Variants in EPHA5 observed in about 807,000 individuals in gnomAD.
EPHA5 encodes EPH receptor A5, also known as ephrin type-A receptor 5.
EPHA5 carries 60 observed loss-of-function variants against 105.0 expected under a neutral mutation model. That is an observed-to-expected ratio of 0.57 (90% CI 0.46 to 0.71). EPHA5 has a LOEUF of 0.71. EPHA5 is among the 30% of genes least tolerant of loss of function. The probability of loss-of-function intolerance (pLI) is 0.00; values close to 1 mark genes in which losing one functional copy is unlikely to be tolerated. For synonymous variants in EPHA5, 513 were observed against 449.1 expected, an observed-to-expected ratio of 1.14 and a Z score of -1.80; for missense variants, 1,218 against 1,274.7, an observed-to-expected ratio of 0.96 and a Z score of 0.68.
chr4:65,500,118 C>A (rs1424302195), intron 3 of EPHA5, among the ~76,000 whole-genome samples: 1 of 151,262 alleles, frequency 6.6e-6, no homozygotes, highest in Admixed American at 6.6e-5. Context: ...AAATAATTAT[C>A]TAGATAAGTA....
intron 5 of EPHA5, among the ~76,000 whole-genome samples, chr4:65,485,550 C>G (rs1311427702): frequency 2.0e-5 from 3 of 152,096 alleles, no homozygotes; most frequent in Non-Finnish European, 2.9e-5. Flanking sequence ...AAGCAAGTTC[C>G]TAGGCTCCAT....
intron 5 of EPHA5, among the ~76,000 whole-genome samples, chr4:65,483,710 G>T (rs185087781): frequency 1.3e-5 from 2 of 152,256 alleles, no homozygotes; most frequent in East Asian, 3.9e-4. Context: ...TCATATTACA[G>T]TTGATACAGT....
At chr4:65,534,023 G>A (rs1387453006) in intron 3 of EPHA5, among the ~76,000 whole-genome samples, 1 of 152,086 alleles carries the variant, frequency 6.6e-6, no homozygotes, top group Non-Finnish European at 1.5e-5. Context: ...CAGATACTCT[G>A]CATTACTGCG....
chr4:65,484,224 T>A (rs1019376710), intron 5 of EPHA5, among the ~76,000 whole-genome samples: 2 of 152,108 alleles, frequency 1.3e-5, no homozygotes, highest in African/African-American at 4.8e-5. Flanking sequence ...ACAGTGTGCT[T>A]TCACCATATT....
At chr4:65,328,780 T>C (rs1207502897) in intron 16 of EPHA5, among the ~76,000 whole-genome samples, 2 of 151,112 alleles carry the variant, frequency 1.3e-5, no homozygotes, top group African/African-American at 4.8e-5. Context: ...AGAGATGTTG[T>C]CAGGGCTAGA....
rs368836098 is a variant in EPHA5, at chr4:65,613,111, G to A, written c.247-10807C>T. Among the ~76,000 whole-genome samples, 10 of 151,996 alleles carry A rather than the reference G, an allele frequency of 6.6e-5. No individual in the cohort carries two copies. In the East Asian group the frequency reaches 1.9e-3, roughly 29 times the overall value. On this transcript the variant is annotated intron_variant, in intron 2 of 16. Transcript: ENST00000613740. ...TGCGTATAGCAATCCAATTTTCCCA[G>A]TACCATTTATTGAATAGGGTGTCCT...
chr4:65,346,010 G>A lies in EPHA5; in HGVS notation c.2595+2044C>T, dbSNP rs1305030717. Among the ~76,000 whole-genome samples the A allele has an allele frequency of 2.6e-5, 4 of 151,392 alleles. No individual in the cohort carries two copies. The East Asian group carries it at 5.9e-4, about 22-fold the overall frequency. ...GATGGTCTGACCTCACGATCCACCCGTCTCGGCCTCCCAAAGTGCTGGGAT... is the reference window on the plus strand; with the variant it reads ...GATGGTCTGACCTCACGATCCACCCATCTCGGCCTCCCAAAGTGCTGGGAT... On this transcript the variant is annotated intron_variant, in intron 14 of 16. Transcript: ENST00000613740.
chr4:65,321,034 T>G lies in EPHA5; in HGVS notation c.*3080A>C, dbSNP rs1719601119. 2 of 230,306 alleles carry G rather than the reference T, an allele frequency of 8.7e-6. No homozygotes were observed. Among genetic ancestry groups the G allele is most frequent in the Admixed American group, 1.1e-4 (2 of 17,596 alleles). 14.3% of individuals were successfully genotyped at this position (230,306 alleles called of 1,614,324 possible). A position where few individuals can be genotyped will look rare whatever the true frequency, so the allele number is the denominator to read the frequency against. On this transcript the variant is annotated 3_prime_UTR_variant, in exon 17 of 17. Transcript: ENST00000613740. ...ATTATGAAAAGAGCAACTGGTTATATTAATAGTATATATGAGCAAATGACA... is the reference window on the plus strand; with the variant it reads ...ATTATGAAAAGAGCAACTGGTTATAGTAATAGTATATATGAGCAAATGACA...
intron 5 of EPHA5, among the ~76,000 whole-genome samples, chr4:65,440,196 T>C (rs1014110242): frequency 2.6e-5 from 4 of 152,012 alleles, no homozygotes; most frequent in African/African-American, 9.7e-5. Context: ...AACATTGTCA[T>C]AGACATAATC....
At chr4:65,569,878 T>C (rs1739941396) in intron 3 of EPHA5, among the ~76,000 whole-genome samples, 1 of 151,738 alleles carries the variant, frequency 6.6e-6, no homozygotes, top group Admixed American at 6.6e-5. Context: ...ATAAAAGTCA[T>C]CTAGAGTTCA....
chr4:65,551,703 C>T (rs1363898152), intron 3 of EPHA5, among the ~76,000 whole-genome samples: 1 of 152,030 alleles, frequency 6.6e-6, no homozygotes, highest in African/African-American at 2.4e-5. Flanking sequence ...ATAACAGTGT[C>T]AATTTTCAAA....
chr4:65,576,000 G>GAAAA (rs565281266), intron 3 of EPHA5, among the ~76,000 whole-genome samples: 3 of 29,724 alleles, frequency 1.0e-4, no homozygotes, highest in Non-Finnish European at 6.6e-5. Flanking sequence ...GAGAGAGAGA[G>GAAAA]AGAAAGAAAG....
At chr4:65,357,208 T>A (rs1012488547) in intron 11 of EPHA5, among the ~76,000 whole-genome samples, 1 of 151,422 alleles carries the variant, frequency 6.6e-6, no homozygotes, top group Admixed American at 6.6e-5. Flanking sequence ...ATTCTATAAC[T>A]GTGATATTAT....
At chr4:65,424,882 A>G (rs73220330) in intron 5 of EPHA5, among the ~76,000 whole-genome samples, 3,926 of 152,186 alleles carry the variant, frequency 0.026, 183 homozygotes, top group African/African-American at 0.089. Context: ...GTATAGAACA[A>G]TATCTTCCTC....
At chr4:65,419,034 C>T (rs1723683371) in intron 6 of EPHA5, among the ~76,000 whole-genome samples, 1 of 151,464 alleles carries the variant, frequency 6.6e-6, no homozygotes, top group Non-Finnish European at 1.5e-5. Context: ...CAGGTGCCCG[C>T]TACCACACCC....
chr4:65,620,138 T>C (rs893443655), intron 2 of EPHA5, among the ~76,000 whole-genome samples: 2 of 130,306 alleles, frequency 1.5e-5, no homozygotes, highest in African/African-American at 2.8e-5. Flanking sequence ...ATTAAATATA[T>C]GATAGTAATA....
At chr4:65,530,169 A>G (rs1038178901) in intron 3 of EPHA5, among the ~76,000 whole-genome samples, 1 of 152,174 alleles carries the variant, frequency 6.6e-6, no homozygotes, top group Admixed American at 6.5e-5. Context: ...AAACTCAAGA[A>G]CAACTTTTAT....
intron 5 of EPHA5, among the ~76,000 whole-genome samples, chr4:65,455,205 C>G (rs112920425): frequency 1.3e-5 from 2 of 151,454 alleles, no homozygotes; most frequent in African/African-American, 4.9e-5. Context: ...TGCACTCCAG[C>G]CTGGGAGACA....
chr4:65,640,781 T>C (rs1173954316), intron 2 of EPHA5, among the ~76,000 whole-genome samples: 1 of 152,138 alleles, frequency 6.6e-6, no homozygotes, highest in Non-Finnish European at 1.5e-5. Context: ...AAACCTTAGG[T>C]CTTTCTCAGG....
Sources: allele counts gnomAD v4.1 joint callset (sites outside exome capture counted in the v4.1 genomes callset), GRCh38; gene constraint gnomAD v4.1.1; transcripts MANE v1.5; gene names NCBI Gene and HGNC (gene_info 2026-07-23, HGNC 2026-07-21).